TXNDC11: variants seen among roughly 807,000 people sequenced by gnomAD.
The protein encoded by TXNDC11 is thioredoxin domain containing 11, also known as thioredoxin domain-containing protein 11.
Under a neutral mutation model 78.0 loss-of-function variants are expected in TXNDC11, and 68 were observed. That is an observed-to-expected ratio of 0.87 (90% CI 0.72 to 1.07). TXNDC11 has a LOEUF of 1.07. TXNDC11 is among the 50% of genes least tolerant of loss of function. The pLI is 0.00. For synonymous variants in TXNDC11, 571 were observed against 495.2 expected, an observed-to-expected ratio of 1.15 and a Z score of -2.03; for missense variants, 1,389 against 1,221.8, an observed-to-expected ratio of 1.14 and a Z score of -2.04.
At chr16:11,736,445 G>A (rs988658357) in intron 1 of TXNDC11, among the ~76,000 whole-genome samples, 4 of 152,280 alleles carry the variant, frequency 2.6e-5, no homozygotes, top group Non-Finnish European at 5.9e-5. Flanking sequence ...TGTCCCCTAG[G>A]TGTAGGCTGG....
intron 5 of TXNDC11, among the ~76,000 whole-genome samples, chr16:11,703,024 T>C (rs1204933982): frequency 6.6e-6 from 1 of 152,168 alleles, no homozygotes; most frequent in Non-Finnish European, 1.5e-5. Context: ...GGCCTGGCAC[T>C]GAGTAGGCCT....
chr16:11,735,940 GGTGTCTCT>G (rs2052206911), intron 2 of TXNDC11, 69 bp downstream of exon 2: 4 of 1,433,590 alleles, frequency 2.8e-6, no homozygotes. Flanking sequence ...CGTTGGGCAA[GGTGTCTCT>G]GTGGGGACAT....
chr16:11,730,838 G>T, intron 3 of TXNDC11, 64 bp from the exon 4 acceptor site: 2 of 1,242,342 alleles, frequency 1.6e-6, no homozygotes, highest in Non-Finnish European at 2.1e-6. Flanking sequence ...CATTAAGCCT[G>T]TAATGTATAA....
intron 5 of TXNDC11, among the ~76,000 whole-genome samples, chr16:11,706,617 T>G (rs757481369): frequency 2.0e-5 from 3 of 152,240 alleles, no homozygotes; most frequent in Non-Finnish European, 4.4e-5. Flanking sequence ...GATTCTTCTC[T>G]GCCCCTAACA....
At chr16:11,723,094 T>TA (rs1189291996) in intron 4 of TXNDC11, among the ~76,000 whole-genome samples, 1 of 151,182 alleles carries the variant, frequency 6.6e-6, no homozygotes, top group Non-Finnish European at 1.5e-5. Context: ...CTGTCTCTAT[T>TA]AAAAAATACA....
intron 5 of TXNDC11, among the ~76,000 whole-genome samples, chr16:11,720,876 G>A (rs894677258): frequency 6.6e-6 from 1 of 151,542 alleles, no homozygotes; most frequent in Non-Finnish European, 1.5e-5. Context: ...CAACTAGCTG[G>A]GATTACAGGT....
intron 5 of TXNDC11, chr16:11,721,321 A>T (rs1214662421): frequency 4.1e-6 from 1 of 245,416 alleles, no homozygotes; most frequent in East Asian, 1.2e-4. Flanking sequence ...CACCTATGTA[A>T]CTCCAGCTAC....
At position 11,698,235 on chromosome 16, in the gene TXNDC11, G is replaced by A. The variant is rs1419299294; in HGVS notation, c.997C>T (p.Pro333Ser). The change falls in exon 7 of 12, where the codon CCA becomes TCA. Residue 333 changes from proline to serine, a missense_variant. Pro to Ser is a moderately conservative substitution (Grantham distance 74). Coordinates refer to ENST00000283033, the MANE Select transcript of TXNDC11 (RefSeq NM_015914.7). ...AGCAGGAGACTCTTGCCTCCGTGTG[G>A]CCGCAGCCACCGAAAGAGCGTCTCC... ...NQETLFRWLR[P>S]HGGKSLLLNN... 3 of 1,614,218 alleles carry A rather than the reference G, an allele frequency of 1.9e-6. No individual in the cohort carries two copies. Among genetic ancestry groups the A allele is most frequent in the South Asian group, 2.2e-5 (2 of 91,086 alleles).
Position 11,700,496 on chromosome 16 carries a change from G to A in TXNDC11, c.862C>T (p.His288Tyr). ...KHLAKLVSLV[H>Y]SGSVYLHRHF... Reference sequence around the variant, plus strand: ...CTATGTAAATACACACTTCCAGAGTGTACTAAGGATACCAGTTTCGCAAGA... The same window carrying A: ...CTATGTAAATACACACTTCCAGAGTATACTAAGGATACCAGTTTCGCAAGA... The change falls in exon 6 of 12, where the codon CAC (histidine) becomes TAC (tyrosine). Residue 288 changes from histidine (H) to tyrosine (Y), a missense_variant. Coordinates refer to ENST00000283033, the MANE Select transcript of TXNDC11 (RefSeq NM_015914.7). The A allele has an allele frequency of 6.2e-7, 1 of 1,601,246 alleles. No individual in the cohort carries two copies.
chr16:11,719,169 G>A (rs558168031), intron 5 of TXNDC11, among the ~76,000 whole-genome samples: 38 of 152,256 alleles, frequency 2.5e-4, no homozygotes, highest in African/African-American at 9.1e-4. Context: ...CCTTGAAATG[G>A]CCTCTTCAGC....
intron 6 of TXNDC11, 117 bp from the exon 7 acceptor site, chr16:11,698,442 G>A (rs574838486): frequency 3.1e-5 from 26 of 846,964 alleles, no homozygotes; most frequent in Middle Eastern, 3.6e-4. Context: ...GGCGTGGAGC[G>A]GGGCCTGGCC....
At chr16:11,712,809 G>A (rs572467878) in intron 5 of TXNDC11, among the ~76,000 whole-genome samples, 2 of 151,754 alleles carry the variant, frequency 1.3e-5, no homozygotes, top group African/African-American at 2.4e-5. Context: ...AGAAAAATTT[G>A]GCCAGGAGTG....
intron 5 of TXNDC11, among the ~76,000 whole-genome samples, chr16:11,713,110 G>GAAAAAAAAA (rs35333554): frequency 8.9e-6 from 1 of 111,820 alleles, no homozygotes; most frequent in Non-Finnish European, 1.8e-5. Flanking sequence ...TCTGTCTCAG[G>GAAAAAAAAA]AAAAAAAAAA....
intron 5 of TXNDC11, 104 bp from the exon 6 acceptor site, chr16:11,700,668 C>G (rs1242338859): frequency 2.8e-5 from 17 of 597,966 alleles, no homozygotes; most frequent in Non-Finnish European, 4.8e-5. Context: ...CAGCTAAGCT[C>G]CTTCTGGTAA....
chr16:11,708,022 C>A (rs1334511601), intron 5 of TXNDC11, among the ~76,000 whole-genome samples: 1 of 152,040 alleles, frequency 6.6e-6, no homozygotes, highest in South Asian at 2.1e-4. Flanking sequence ...AGGTCAAGGC[C>A]GCAGTGAGCT....
At chr16:11,692,249 A>C in intron 7 of TXNDC11, 167 bp from the exon 8 acceptor site, 2 of 623,550 alleles carry the variant, frequency 3.2e-6, no homozygotes, top group South Asian at 2.4e-5. Context: ...TTTAAACTAC[A>C]TGTCGCTCTG....
At chr16:11,717,256 T>C (rs1470023268) in intron 5 of TXNDC11, among the ~76,000 whole-genome samples, 1 of 151,092 alleles carries the variant, frequency 6.6e-6, no homozygotes, top group East Asian at 2.0e-4. Context: ...CAAAAAGCTG[T>C]CTGTACTAAC....
intron 5 of TXNDC11, among the ~76,000 whole-genome samples, chr16:11,706,774 A>G (rs561121016): frequency 9.9e-5 from 15 of 152,144 alleles, no homozygotes; most frequent in Non-Finnish European, 1.2e-4. Flanking sequence ...GTTTCCACTC[A>G]CATTCATCTG....
intron 4 of TXNDC11, among the ~76,000 whole-genome samples, chr16:11,722,840 A>G (rs558626124): frequency 6.6e-6 from 1 of 152,338 alleles, no homozygotes; most frequent in African/African-American, 2.4e-5. Flanking sequence ...TTTAAAATCA[A>G]TATGTTATAA....
Sources: gnomAD v4.1 joint callset for allele counts (sites outside exome capture counted in the v4.1 genomes callset) on GRCh38, gnomAD v4.1.1 for gene constraint, MANE v1.5 for transcripts, NCBI Gene and HGNC (gene_info 2026-07-23, HGNC 2026-07-21) for gene names.